The following ZNF214 variants were observed in gnomAD, a reference collection of about 807,000 sequenced individuals.
ZNF214 encodes the protein BWSCR2-associated zinc finger protein 1.
Under a neutral mutation model 53.9 loss-of-function variants are expected in ZNF214, and 43 were observed. The ratio of observed to expected loss-of-function variants is 0.80; its 90% CI spans 0.63 to 1.03. The LOEUF (loss-of-function observed/expected upper bound fraction) is 1.03, where lower values mean the gene tolerates loss of function less well. Among genes scored for constraint, ZNF214 ranks in the 50% least tolerant of loss-of-function variants. The probability of loss-of-function intolerance (pLI) is 0.00; values close to 1 mark genes in which losing one functional copy is unlikely to be tolerated. For missense variants in ZNF214, 724 were observed against 719.1 expected (o/e 1.01, Z -0.08); for synonymous variants, 217 against 229.5 (o/e 0.95, Z 0.49).
chr11:7,018,511 T>C (rs1486599918), intron 1 of ZNF214, among the ~76,000 whole-genome samples: 1 of 142,366 alleles, frequency 7.0e-6, no homozygotes, highest in Non-Finnish European at 1.5e-5. Flanking sequence ...TTTTTTTTTT[T>C]TTTTTTTTGA....
chr11:7,001,350 T>A lies in ZNF214; in HGVS notation c.333A>T (p.Thr111=). 1.2e-6 allele frequency: 2 copies of A among 1,613,230 alleles called. No individual in the cohort carries two copies. The highest frequency in any genetic ancestry group is 1.7e-6 in the Non-Finnish European group (2 of 1,179,422). Residue 111 remains threonine (T), a synonymous_variant, in exon 3 of 3, where the codon ACA becomes ACT. Coordinates refer to ENST00000278314, the MANE Select transcript of ZNF214 (RefSeq NM_013249.4). ...CATAGTTCCCATACCCTGGTACTTG[T>A]GTGGAGAGTATTAACCATTCCTGAC... is the stretch of plus-strand genomic sequence containing the variant. The part of the protein sequence containing the change: ...SQCQEWLILS[T]QVPGYGNYEL...
chr11:7,001,660 T>TG, intron 2 of ZNF214, 105 bp from the exon 3 acceptor site: 1 of 1,334,222 alleles, frequency 7.5e-7, no homozygotes, highest in Admixed American at 2.7e-5. Context: ...TATGTGTGGC[T>TG]GGGGGTAGGA....
At chr11:7,006,667 C>T (rs988619181) in intron 1 of ZNF214, among the ~76,000 whole-genome samples, 1 of 151,934 alleles carries the variant, frequency 6.6e-6, no homozygotes, top group Non-Finnish European at 1.5e-5. Flanking sequence ...ATTTTATTAT[C>T]CATGTTCATT....
In ZNF214 at chr11:7,001,142, C is replaced by CT. The variant is rs758739399; in HGVS notation, c.540dup (p.Glu181ArgfsTer42). 5 of 1,613,294 alleles carry CT rather than the reference C, an allele frequency of 3.1e-6. No individual in the cohort carries two copies. In the South Asian group the frequency reaches 5.5e-5, roughly 18 times the overall value. ...GAATGCTGAACTATGAGCTTCTGTT[C>CT]TTTTTCCATGGAGAGGTTTTTCCTG... On this transcript the variant is annotated frameshift_variant, in exon 3 of 3. Transcript: ENST00000278314. LOFTEE classifies it high-confidence loss of function.
chr11:7,012,699 A>G (rs1290719598), intron 1 of ZNF214, among the ~76,000 whole-genome samples: 2 of 152,224 alleles, frequency 1.3e-5, no homozygotes, highest in Non-Finnish European at 2.9e-5. Context: ...ATTTGATGCT[A>G]TGAAATTATC....
At position 7,001,052 on chromosome 11, in the gene ZNF214, T is replaced by G. The variant is rs753835948; in HGVS notation, c.631A>C (p.Arg211=). ...VGVICQEDLL[R]DSMEEKYCGC... The stretch of plus-strand genomic sequence containing the variant: ...CAGTACTTTTCTTCCATTGAATCTC[T>G]CAGTAGGTCTTCTTGACATATCACC... Residue 211 remains arginine (R), a synonymous_variant, in exon 3 of 3, where the codon AGA becomes CGA. Transcript: ENST00000278314. 115 of 1,613,194 alleles carry G rather than the reference T, an allele frequency of 7.1e-5. No homozygotes were observed. The highest frequency in any genetic ancestry group is 9.2e-5 in the Non-Finnish European group (109 of 1,179,588).
At chr11:7,015,581 AAACAACAACAAAAAC>A (rs1312445968) in intron 1 of ZNF214, among the ~76,000 whole-genome samples, 1 of 91,698 alleles carries the variant, frequency 1.1e-5, no homozygotes, top group East Asian at 4.4e-4. Context: ...CTCTGTCTCA[AAACAACAACAAAAAC>A]AACAACAACA....
chr11:7,009,282 C>T (rs994516489), intron 1 of ZNF214, among the ~76,000 whole-genome samples: 2 of 152,066 alleles, frequency 1.3e-5, no homozygotes, highest in African/African-American at 4.8e-5. Flanking sequence ...CTCACACCTA[C>T]CACCATCTGA....
At chr11:7,003,657 G>A (rs1487223269) in intron 1 of ZNF214, among the ~76,000 whole-genome samples, 1 of 151,964 alleles carries the variant, frequency 6.6e-6, no homozygotes, top group Non-Finnish European at 1.5e-5. Flanking sequence ...AATGTTTGAT[G>A]AAGGGTTGTC....
At chr11:7,017,497 G>A (rs1452969114) in intron 1 of ZNF214, among the ~76,000 whole-genome samples, 3 of 152,098 alleles carry the variant, frequency 2.0e-5, no homozygotes, top group Non-Finnish European at 4.4e-5. Flanking sequence ...AACTTAATGG[G>A]AGTCCAAGGT....
At chr11:7,007,192 T>C (rs562970734) in intron 1 of ZNF214, among the ~76,000 whole-genome samples, 130 of 151,520 alleles carry the variant, frequency 8.6e-4, no homozygotes, top group Admixed American at 1.8e-3. Context: ...TAAATAAAAG[T>C]CAATGTGGGT....
chr11:7,002,951 A>G, intron 1 of ZNF214, 96 bp from the exon 2 acceptor site: 2 of 1,252,052 alleles, frequency 1.6e-6, no homozygotes, highest in Non-Finnish European at 1.1e-6. Context: ...CAAGAACTTC[A>G]GTAAAGGAGA....
intron 1 of ZNF214, among the ~76,000 whole-genome samples, chr11:7,012,137 A>G (rs926372442): frequency 6.6e-6 from 1 of 152,148 alleles, no homozygotes; most frequent in African/African-American, 2.4e-5. Flanking sequence ...AGATACTGAC[A>G]TATCACCAAA....
chr11:7,016,295 A>C (rs1851765083), intron 1 of ZNF214, among the ~76,000 whole-genome samples: 1 of 152,200 alleles, frequency 6.6e-6, no homozygotes, highest in South Asian at 2.1e-4. Context: ...AGTATTAAGA[A>C]GTGACAGACA....
At chr11:7,018,934 C>T (rs1851844640) in intron 1 of ZNF214, among the ~76,000 whole-genome samples, 2 of 152,118 alleles carry the variant, frequency 1.3e-5, no homozygotes, top group Admixed American at 1.3e-4. Flanking sequence ...CAAGTCTGCA[C>T]GCTCGAAAAT....
At chr11:7,007,395 TGTG>T (rs1175326471) in intron 1 of ZNF214, among the ~76,000 whole-genome samples, 11 of 151,238 alleles carry the variant, frequency 7.3e-5, no homozygotes, top group Admixed American at 7.3e-4. Flanking sequence ...AGATTTAGCA[TGTG>T]GTTTAGAACA....
At position 7,000,328 on chromosome 11, in the gene ZNF214, C is replaced by T. The variant is rs746408599; in HGVS notation, c.1355G>A (p.Ser452Asn). The T allele has an allele frequency of 5.6e-6, 9 of 1,613,300 alleles. No individual in the cohort carries two copies. The highest frequency in any genetic ancestry group is 1.7e-4 in the Middle Eastern group (1 of 6,054). The change falls in exon 3 of 3, where the codon AGT becomes AAT. Residue 452 changes from serine to asparagine, a missense_variant. Ser to Asn is a conservative substitution (Grantham distance 46, BLOSUM62 1). Coordinates refer to ENST00000278314, the MANE Select transcript of ZNF214 (RefSeq NM_013249.4). ...ATGAATGCGAAGATCTGAGCTGTGA[C>T]TAAAGTCCTTTCCACAGTCATCACA... ...YKCDDCGKDF[S>N]HSSDLRIHQR...
In ZNF214 at chr11:6,998,243, T is replaced by C. The variant is rs1381602804; in HGVS notation, c.*1619A>G. ...GTTTTGCAGATAACCAGAATTTTTC[T>C]TTCTGCATGCTTTTAATTGCTTCTT... On this transcript the variant is annotated 3_prime_UTR_variant, in exon 3 of 3. Transcript: ENST00000278314. 6.6e-6 allele frequency among the ~76,000 whole-genome samples: 1 copy of C among 151,982 alleles called. No homozygotes were observed. Among genetic ancestry groups the C allele is most frequent in the Non-Finnish European group, 1.5e-5 (1 of 67,916 alleles).
chr11:7,015,005 T>C (rs1404605704), intron 1 of ZNF214, among the ~76,000 whole-genome samples: 1 of 151,620 alleles, frequency 6.6e-6, no homozygotes, highest in African/African-American at 2.4e-5. Flanking sequence ...CTTTTGCTTA[T>C]AGGAAATACA....
Sources: allele counts gnomAD v4.1 joint callset (sites outside exome capture counted in the v4.1 genomes callset), GRCh38; gene constraint gnomAD v4.1.1; transcripts MANE v1.5; gene names NCBI Gene and HGNC (gene_info 2026-07-23, HGNC 2026-07-21).